SLAMF6: variants seen among roughly 807,000 people sequenced by gnomAD.
SLAMF6 encodes SLAM family member 6, also known as NK-T-B-antigen.
A neutral mutation model predicts 38.3 loss-of-function variants in SLAMF6; 21 were observed. That is an observed-to-expected ratio of 0.55 (90% CI 0.39 to 0.79). The LOEUF (loss-of-function observed/expected upper bound fraction) is 0.79. Among genes scored for constraint, SLAMF6 ranks in the 30% least tolerant of loss-of-function variants. The pLI, the probability that SLAMF6 is intolerant of heterozygous loss-of-function variation, is 0.00. For synonymous variants in SLAMF6, 152 were observed against 146.3 expected (o/e 1.04, Z -0.28); for missense variants, 341 against 385.3 (o/e 0.89, Z 0.96).
At chr1:160,510,603 G>A (rs1008980434) in intron 1 of SLAMF6, among the ~76,000 whole-genome samples, 1 of 152,074 alleles carries the variant, frequency 6.6e-6, no homozygotes, top group African/African-American at 2.4e-5. Flanking sequence ...CTGATAAAAG[G>A]CATTTATGAA....
chr1:160,507,679 T>C (rs1456704169), intron 1 of SLAMF6, among the ~76,000 whole-genome samples: 1 of 152,100 alleles, frequency 6.6e-6, no homozygotes, highest in African/African-American at 2.4e-5. Context: ...AAGACTTAAA[T>C]ATATGATGTC....
At chr1:160,514,927 A>G (rs922649506) in intron 1 of SLAMF6, among the ~76,000 whole-genome samples, 2 of 152,314 alleles carry the variant, frequency 1.3e-5, no homozygotes, top group Middle Eastern at 3.4e-3. Flanking sequence ...TTGAAATGCT[A>G]ACATTAAAAC....
chr1:160,518,745 GAC>G (rs1654858209), intron 1 of SLAMF6, among the ~76,000 whole-genome samples: 1 of 151,678 alleles, frequency 6.6e-6, no homozygotes, highest in African/African-American at 2.4e-5. Context: ...GAAGGGGAAT[GAC>G]ACACACTGGG....
rs996710327 is a variant in SLAMF6 at position 160,485,081 on chromosome 1, C to G, written c.*1626G>C. The G allele has an allele frequency of 3.9e-5, 6 of 152,008 alleles. No homozygotes were observed. Among genetic ancestry groups the G allele is most frequent in the African/African-American group, 1.5e-4 (6 of 41,376 alleles). 9.4% of individuals were successfully genotyped at this position (152,008 alleles called of 1,614,324 possible). On this transcript the variant is annotated 3_prime_UTR_variant, in exon 8 of 8. Coordinates refer to ENST00000368057, the MANE Select transcript of SLAMF6 (RefSeq NM_001184714.2). ...TTATTTATTTTTTGAGACAGAGTCT[C>G]ACTCTGTCACCCAGACTGGAATACA... is the stretch of plus-strand genomic sequence containing the variant.
chr1:160,488,821 G>A (rs1012002110), intron 6 of SLAMF6, among the ~76,000 whole-genome samples: 3 of 152,210 alleles, frequency 2.0e-5, no homozygotes, highest in Admixed American at 1.3e-4. Context: ...CTTTCAGTCA[G>A]CTTGTAATTA....
At chr1:160,508,476 A>G (rs1466736078) in intron 1 of SLAMF6, among the ~76,000 whole-genome samples, 1 of 152,224 alleles carries the variant, frequency 6.6e-6, no homozygotes, top group Non-Finnish European at 1.5e-5. Flanking sequence ...CTGAAACTGG[A>G]TCCCTTCCTT....
chr1:160,522,132 T>C (rs1655010503), intron 1 of SLAMF6, among the ~76,000 whole-genome samples: 1 of 152,236 alleles, frequency 6.6e-6, no homozygotes, highest in Non-Finnish European at 1.5e-5. Context: ...CTTTCTCTTA[T>C]GCTGCTGCCA....
chr1:160,489,793 C>T (rs1341008752), intron 5 of SLAMF6, among the ~76,000 whole-genome samples: 1 of 152,178 alleles, frequency 6.6e-6, no homozygotes, highest in Non-Finnish European at 1.5e-5. Flanking sequence ...CATGTTTTCT[C>T]TTTCCACTGT....
At chr1:160,508,922 A>G (rs1486089381) in intron 1 of SLAMF6, among the ~76,000 whole-genome samples, 2 of 152,262 alleles carry the variant, frequency 1.3e-5, no homozygotes, top group African/African-American at 2.4e-5. Flanking sequence ...ATCACTGGTC[A>G]TCAGAGAAAT....
Position 160,486,266 on chromosome 1 carries a change from T to C in SLAMF6, c.*441A>G, listed in dbSNP as rs1345446118. 1 of 153,910 alleles carries C rather than the reference T, an allele frequency of 6.5e-6. No individual in the cohort carries two copies. Among genetic ancestry groups the C allele is most frequent in the East Asian group, 1.9e-4 (1 of 5,214 alleles). 9.5% of individuals were successfully genotyped at this position (153,910 alleles called of 1,614,324 possible). A position where few individuals can be genotyped will look rare whatever the true frequency, so the allele number is the denominator to read the frequency against. ...GCATTTCAGACAAGGGATGCTCAAC[T>C]TGTATCAGGATGGGCCCATCCAACT... On this transcript the variant is annotated 3_prime_UTR_variant, in exon 8 of 8. Transcript: ENST00000368057.
At chr1:160,500,909 A>C (rs1653853946) in intron 1 of SLAMF6, among the ~76,000 whole-genome samples, 1 of 152,128 alleles carries the variant, frequency 6.6e-6, no homozygotes, top group Admixed American at 6.6e-5. Context: ...ACGCTTGTTT[A>C]AGTTCCATTG....
intron 1 of SLAMF6, among the ~76,000 whole-genome samples, chr1:160,508,734 G>A (rs996942329): frequency 2.0e-5 from 3 of 151,986 alleles, no homozygotes; most frequent in Non-Finnish European, 4.4e-5. Flanking sequence ...CCTACATAAT[G>A]GGAGAAAATT....
At chr1:160,503,436 C>T (rs112696414) in intron 1 of SLAMF6, among the ~76,000 whole-genome samples, 1 of 151,952 alleles carries the variant, frequency 6.6e-6, no homozygotes, top group Non-Finnish European at 1.5e-5. Flanking sequence ...AATCCGCAAT[C>T]ACTTTTGCAC....
At chr1:160,509,688 A>G (rs1423841267) in intron 1 of SLAMF6, among the ~76,000 whole-genome samples, 1 of 152,116 alleles carries the variant, frequency 6.6e-6, no homozygotes, top group Admixed American at 6.6e-5. Context: ...TACACTTTAA[A>G]AAACTAGACA....
At chr1:160,508,349 G>A (rs1296702405) in intron 1 of SLAMF6, among the ~76,000 whole-genome samples, 4 of 151,900 alleles carry the variant, frequency 2.6e-5, no homozygotes, top group South Asian at 2.1e-4. Context: ...CTCAGAAATA[G>A]CACCACACAT....
chr1:160,502,885 G>A (rs1486730504), intron 1 of SLAMF6, among the ~76,000 whole-genome samples: 5 of 152,080 alleles, frequency 3.3e-5, no homozygotes, highest in Non-Finnish European at 5.9e-5. Flanking sequence ...AACATAGTCA[G>A]GATATTGAGA....
At chr1:160,522,995 G>C in intron 1 of SLAMF6, 149 bp downstream of exon 1, 1 of 727,996 alleles carries the variant, frequency 1.4e-6, no homozygotes, top group Non-Finnish European at 2.4e-6. Flanking sequence ...GGAGGTAGTA[G>C]TATATCAGGT....
At chr1:160,496,479 C>T (rs2102027964) in intron 1 of SLAMF6, 86 bp from the exon 2 acceptor site, 1 of 1,323,464 alleles carries the variant, frequency 7.6e-7, no homozygotes, top group Non-Finnish European at 1.1e-6. Flanking sequence ...CGCTGCCAGT[C>T]TGTTAGAGCT....
At chr1:160,487,941 T>C (rs1017545572) in intron 6 of SLAMF6, among the ~76,000 whole-genome samples, 12 of 151,686 alleles carry the variant, frequency 7.9e-5, no homozygotes, top group African/African-American at 2.7e-4. Flanking sequence ...AGTAGAAAAA[T>C]TATCCTGATG....
Sources: allele counts gnomAD v4.1 joint callset (sites outside exome capture counted in the v4.1 genomes callset), GRCh38; gene constraint gnomAD v4.1.1; transcripts MANE v1.5; gene names NCBI Gene and HGNC (gene_info 2026-07-23, HGNC 2026-07-21).